Variants in CCDC3 observed in about 807,000 individuals in gnomAD.
CCDC3 encodes coiled-coil domain containing 3.
Under a neutral mutation model 21.4 loss-of-function variants are expected in CCDC3, and 24 were observed. The ratio of observed to expected loss-of-function variants is 1.12; its 90% CI spans 0.81 to 1.58. The LOEUF is 1.58. Ranked by LOEUF, CCDC3 falls within the 40% of genes most tolerant of loss-of-function variation. The pLI, the probability that CCDC3 is intolerant of heterozygous loss-of-function variation, is 0.00. For synonymous variants in CCDC3, 186 were observed against 166.0 expected, an observed-to-expected ratio of 1.12 and a Z score of -0.93; for missense variants, 425 against 360.9, an observed-to-expected ratio of 1.18 and a Z score of -1.44.
At chr10:12,900,835 T>C (rs114615347) in intron 2 of CCDC3, among the ~76,000 whole-genome samples, 1 of 152,126 alleles carries the variant, frequency 6.6e-6, no homozygotes, top group Non-Finnish European at 1.5e-5. Context: ...ACCTGAGACC[T>C]TGGGCAAGCT....
Position 13,001,214 on chromosome 10 carries a change from G to C in CCDC3, c.357C>G (p.Ser119=), listed in dbSNP as rs768575267. 8 of 1,560,634 alleles carry C rather than the reference G, an allele frequency of 5.1e-6. No individual in the cohort carries two copies. The East Asian group carries it at 1.7e-4, about 33-fold the overall frequency. The stretch of plus-strand genomic sequence containing the variant: ...GGGCTCACCTGAGGAAGAAGAAATA[G>C]GAGTAGTCCTGGACCACGGTGTGGG... ...CHSHTVVQDY[S]YFFFLRMDEN... The change falls in exon 1 of 3, where the codon TCC becomes TCG. Residue 119 remains serine, a synonymous_variant. Coordinates refer to ENST00000378825, the MANE Select transcript of CCDC3 (RefSeq NM_031455.4).
At position 12,896,674 on chromosome 10, in the gene CCDC3, C is replaced by A. The variant is rs868249550; in HGVS notation, c.*1742G>T. On this transcript the variant is annotated 3_prime_UTR_variant, in exon 3 of 3. Coordinates refer to ENST00000378825, the MANE Select transcript of CCDC3 (RefSeq NM_031455.4). ...TTTATTGGAAAAGCAGAACAGTATG[C>A]ACCTGTAGGGGTGTAGCTTCCATGG... is the stretch of plus-strand genomic sequence containing the variant. 2 of 152,846 alleles carry A rather than the reference C, an allele frequency of 1.3e-5. No individual in the cohort carries two copies. The highest frequency in any genetic ancestry group is 4.8e-5 in the African/African-American group (2 of 41,590). The allele number at this position is 152,846 out of a possible 1,614,324, so 9.5% of individuals were successfully genotyped here.
intron 5 of CCDC3, among the ~76,000 whole-genome samples, chr10:13,011,795 C>T (rs1259071035): frequency 6.6e-6 from 1 of 152,092 alleles, no homozygotes; most frequent in Non-Finnish European, 1.5e-5. Flanking sequence ...CAACTTCAAA[C>T]AGTACTATAA....
At chr10:13,047,756 G>A (rs1411028299) in intron 5 of CCDC3, among the ~76,000 whole-genome samples, 2 of 152,172 alleles carry the variant, frequency 1.3e-5, no homozygotes, top group African/African-American at 2.4e-5. Context: ...TCTCCAGAGG[G>A]ACTAAGGCCT....
intron 2 of CCDC3, among the ~76,000 whole-genome samples, chr10:12,964,488 G>A (rs1835229645): frequency 1.3e-5 from 2 of 152,140 alleles, no homozygotes; most frequent in South Asian, 4.1e-4. Context: ...TGGAAGTGCT[G>A]CAGCCTTTTT....
intron 5 of CCDC3, among the ~76,000 whole-genome samples, chr10:13,034,236 G>A (rs971286065): frequency 8.0e-5 from 12 of 150,420 alleles, no homozygotes; most frequent in African/African-American, 2.2e-4. Context: ...GCAAACTATC[G>A]CAAGGGCAGA....
chr10:13,048,060 G>C lies in CCDC3; in HGVS notation c.-2+1614C>G, dbSNP rs983151516. On this transcript the variant is annotated intron_variant, in intron 5 of 6. Coordinates refer to the CCDC3 transcript ENST00000378839. ...TGTATGCACCTCACGCGCAATGTAAGGTGAATTGAGTAACTATCTGCGGGG... is the reference window on the plus strand; with the variant it reads ...TGTATGCACCTCACGCGCAATGTAACGTGAATTGAGTAACTATCTGCGGGG... Among the ~76,000 whole-genome samples the C allele has an allele frequency of 5.3e-5, 8 of 152,160 alleles. No homozygotes were observed. The East Asian group carries it at 1.5e-3, about 29-fold the overall frequency.
chr10:12,928,918 G>A (rs576051997), intron 2 of CCDC3, among the ~76,000 whole-genome samples: 1 of 152,232 alleles, frequency 6.6e-6, no homozygotes, highest in South Asian at 2.1e-4. Flanking sequence ...GGAGGCACCT[G>A]GTTGACTTCA....
intron 3 of CCDC3, among the ~76,000 whole-genome samples, chr10:13,081,914 T>C (rs994037799): frequency 1.3e-5 from 2 of 152,222 alleles, no homozygotes; most frequent in Non-Finnish European, 2.9e-5. Flanking sequence ...ATGGACTTCC[T>C]GGTAGCTCTT....
intron 2 of CCDC3, among the ~76,000 whole-genome samples, chr10:12,931,382 A>ACTTCC (rs1834640984): frequency 6.6e-6 from 1 of 152,184 alleles, no homozygotes; most frequent in Non-Finnish European, 1.5e-5. Flanking sequence ...TTCTGGGGTT[A>ACTTCC]CTTCCTCTAC....
At position 12,998,407 on chromosome 10, in the gene CCDC3, A is replaced by G. The variant is rs377025308; in HGVS notation, c.480T>C (p.Phe160=). The change falls in exon 2 of 3, where the codon TTT becomes TTC. Residue 160 remains phenylalanine (F), a synonymous_variant. Coordinates refer to ENST00000378825, the MANE Select transcript of CCDC3 (RefSeq NM_031455.4). ...NRRMFSSLFQ[F]SNCSQGQQLA... is the part of the protein sequence containing the mutation. ...GCTGCTGCCCTTGCGAACAGTTTGA[A>G]AACTGGAAAAGGCTAGAAAACATCC... 3.7e-5 allele frequency: 59 copies of G among 1,614,214 alleles called. No homozygotes were observed. In the African/African-American group the frequency reaches 7.2e-4, roughly 20 times the overall value.
intron 4 of CCDC3, among the ~76,000 whole-genome samples, chr10:13,064,387 T>G (rs1836798850): frequency 1.3e-5 from 2 of 152,236 alleles, no homozygotes; most frequent in Non-Finnish European, 2.9e-5. Context: ...ATAAAATTTC[T>G]TTCATGTGTG....
At chr10:12,947,402 C>T (rs1406379099) in intron 2 of CCDC3, among the ~76,000 whole-genome samples, 1 of 152,180 alleles carries the variant, frequency 6.6e-6, no homozygotes, top group Non-Finnish European at 1.5e-5. Context: ...CCTGCCTTGG[C>T]CTCCCAAAGT....
intron 2 of CCDC3, among the ~76,000 whole-genome samples, chr10:12,923,836 G>C (rs2131219369): frequency 6.6e-6 from 1 of 152,252 alleles, no homozygotes; most frequent in South Asian, 2.1e-4. Context: ...GAGCATAAAG[G>C]TTTCAGACAA....
intron 4 of CCDC3, among the ~76,000 whole-genome samples, chr10:13,065,012 T>G (rs1427576568): frequency 6.6e-6 from 1 of 152,178 alleles, no homozygotes; most frequent in Non-Finnish European, 1.5e-5. Flanking sequence ...TAAGCAATTC[T>G]CAGCTTGACT....
At chr10:13,070,236 A>G (rs1230160918) in intron 4 of CCDC3, among the ~76,000 whole-genome samples, 1 of 152,184 alleles carries the variant, frequency 6.6e-6, no homozygotes, top group African/African-American at 2.4e-5. Flanking sequence ...TTTGGAGTAT[A>G]TTTGTCTCTG....
intron 2 of CCDC3, among the ~76,000 whole-genome samples, chr10:12,912,682 A>T (rs944398449): frequency 2.6e-5 from 4 of 152,076 alleles, no homozygotes; most frequent in African/African-American, 9.7e-5. Context: ...CCAAAAAATG[A>T]TTGCCCAGAC....
chr10:13,009,334 T>C (rs2131397726), intron 5 of CCDC3, among the ~76,000 whole-genome samples: 1 of 152,326 alleles, frequency 6.6e-6, no homozygotes, highest in South Asian at 2.1e-4. Context: ...TGTTAAGATG[T>C]TCATTCTAGC....
chr10:12,999,870 C>G (rs1008642078), intron 1 of CCDC3, among the ~76,000 whole-genome samples: 1 of 152,152 alleles, frequency 6.6e-6, no homozygotes, highest in Non-Finnish European at 1.5e-5. Flanking sequence ...TTCTCTGTAT[C>G]GAGAAGGGCA....
Sources: gnomAD v4.1 joint callset for allele counts (sites outside exome capture counted in the v4.1 genomes callset) on GRCh38, gnomAD v4.1.1 for gene constraint, MANE v1.5 for transcripts, NCBI Gene and HGNC (gene_info 2026-07-23, HGNC 2026-07-21) for gene names.